Variants in XYLT1 observed in about 807,000 individuals in gnomAD.
XYLT1 encodes the protein beta-D-xylosyltransferase 1.
In XYLT1, 36 loss-of-function variants were observed where a neutral mutation model predicts 91.3. That is an observed-to-expected ratio of 0.39 (90% CI 0.30 to 0.52). The LOEUF is 0.52. Among genes scored for constraint, XYLT1 ranks in the 20% least tolerant of loss-of-function variants. The pLI is 0.68. For synonymous variants in XYLT1, 588 were observed against 532.0 expected, an observed-to-expected ratio of 1.11 and a Z score of -1.45; for missense variants, 1,242 against 1,284.5, an observed-to-expected ratio of 0.97 and a Z score of 0.51.
At chr16:17,434,741 A>G (rs528036827) in intron 1 of XYLT1, among the ~76,000 whole-genome samples, 15 of 152,264 alleles carry the variant, frequency 9.9e-5, no homozygotes, top group African/African-American at 3.6e-4. Context: ...GGTAGCACAC[A>G]TCTGTAGCCC....
chr16:17,202,613 A>G (rs750195022), intron 3 of XYLT1, among the ~76,000 whole-genome samples: 2 of 152,160 alleles, frequency 1.3e-5, no homozygotes, highest in Non-Finnish European at 2.9e-5. Context: ...ATTAGTTCAC[A>G]GTCCAAAAAG....
chr16:17,136,629 A>G (rs558791038), intron 8 of XYLT1, among the ~76,000 whole-genome samples: 2 of 152,308 alleles, frequency 1.3e-5, no homozygotes, highest in South Asian at 4.2e-4. Flanking sequence ...TAGGGGCAGA[A>G]CAAACTCCTT....
intron 3 of XYLT1, among the ~76,000 whole-genome samples, chr16:17,249,274 A>C (rs2033496637): frequency 1.3e-5 from 2 of 152,228 alleles, no homozygotes; most frequent in Non-Finnish European, 2.9e-5. Flanking sequence ...CAGAGATTCT[A>C]GATGCCCATT....
At chr16:17,278,397 GTTC>G (rs1291784263) in intron 2 of XYLT1, among the ~76,000 whole-genome samples, 2 of 152,174 alleles carry the variant, frequency 1.3e-5, no homozygotes, top group East Asian at 1.9e-4. Flanking sequence ...TCTCCGAGAA[GTTC>G]TTCTTCATTG....
intron 1 of XYLT1, among the ~76,000 whole-genome samples, chr16:17,413,274 G>A (rs2036136161): frequency 6.6e-6 from 1 of 152,144 alleles, no homozygotes; most frequent in Non-Finnish European, 1.5e-5. Context: ...GGGGACACTG[G>A]GCTGGCTTCA....
At chr16:17,159,056 A>G in intron 5 of XYLT1, 147 bp from the exon 6 acceptor site, 3 of 677,138 alleles carry the variant, frequency 4.4e-6, no homozygotes, top group South Asian at 1.7e-5. Context: ...TCCTCTTTAT[A>G]TCGCCATTTT....
At chr16:17,310,427 C>A (rs1413109925) in intron 2 of XYLT1, among the ~76,000 whole-genome samples, 2 of 152,226 alleles carry the variant, frequency 1.3e-5, no homozygotes, top group Non-Finnish European at 2.9e-5. Flanking sequence ...CAGTCCCACT[C>A]AGTGACTGGC....
chr16:17,364,622 T>G (rs965807391), intron 1 of XYLT1, among the ~76,000 whole-genome samples: 2 of 152,140 alleles, frequency 1.3e-5, no homozygotes, highest in Non-Finnish European at 2.9e-5. Flanking sequence ...CTGAGCAAAT[T>G]TAGCTAATTC....
In XYLT1 at chr16:17,155,591, C is replaced by T. The variant is rs146402138; in HGVS notation, c.1370+3238G>A. Among the ~76,000 whole-genome samples the T allele has an allele frequency of 8.4e-3, 1,285 of 152,302 alleles. 4 individuals carry two copies. Among genetic ancestry groups the T allele is most frequent in the Non-Finnish European group, 0.013 (891 of 68,022 alleles). On this transcript the variant is annotated intron_variant, in intron 6 of 11. Coordinates refer to ENST00000261381, the MANE Select transcript of XYLT1 (RefSeq NM_022166.4). ...ATGATGGGCTATAGGTAGGCTTATTCGTGCAGCAGGTGAGGCCACAGCTAA... is the reference window on the plus strand; with the variant it reads ...ATGATGGGCTATAGGTAGGCTTATTTGTGCAGCAGGTGAGGCCACAGCTAA...
rs1360733123 is a variant in XYLT1 at position 17,312,674 on chromosome 16, C to T, written c.402+45338G>A. Among the ~76,000 whole-genome samples the T allele has an allele frequency of 1.3e-5, 2 of 152,118 alleles. No homozygotes were observed. The highest frequency in any genetic ancestry group is 6.6e-5 in the Admixed American group (1 of 15,262). ...TTTTCAACATACTCATGTGTGTATC[C>T]GTGATTCTATTTACTGTTTAATCTT... On this transcript the variant is annotated intron_variant, in intron 2 of 11. Transcript: ENST00000261381. The surrounding 1 kb of genome is among the most constrained non-coding windows in gnomAD (Gnocchi z 4.4).
intron 1 of XYLT1, among the ~76,000 whole-genome samples, chr16:17,425,310 T>C (rs182753267): frequency 1.3e-5 from 2 of 152,298 alleles, no homozygotes; most frequent in South Asian, 2.1e-4. Context: ...AGATGCATTG[T>C]AGGGTGAGAC....
intron 3 of XYLT1, among the ~76,000 whole-genome samples, chr16:17,249,289 T>C (rs1172229117): frequency 6.6e-6 from 1 of 152,182 alleles, no homozygotes; most frequent in Non-Finnish European, 1.5e-5. Flanking sequence ...CCCATTTCCA[T>C]TGCTTTGCTT....
chr16:17,213,346 CTTTCTTTATAAATTATCCACTCAGGTA>C (rs1321556796), intron 3 of XYLT1, among the ~76,000 whole-genome samples: 1 of 152,158 alleles, frequency 6.6e-6, no homozygotes, highest in Non-Finnish European at 1.5e-5. Flanking sequence ...ATTAAAACTC[CTTTCTTTATAAATTATCCACTCAGGTA>C]TTTCTTTATA....
At chr16:17,427,559 C>T (rs2036335093) in intron 1 of XYLT1, among the ~76,000 whole-genome samples, 1 of 152,152 alleles carries the variant, frequency 6.6e-6, no homozygotes, top group African/African-American at 2.4e-5. Context: ...GCTGGGATTA[C>T]AGGCGTGAAC....
At chr16:17,237,816 G>T (rs2033272226) in intron 3 of XYLT1, among the ~76,000 whole-genome samples, 1 of 152,212 alleles carries the variant, frequency 6.6e-6, no homozygotes, top group South Asian at 2.1e-4. Context: ...TTCCAAGCAA[G>T]TTAGCTGAGA....
intron 11 of XYLT1, among the ~76,000 whole-genome samples, chr16:17,111,590 G>T (rs1312960814): frequency 6.6e-6 from 1 of 152,200 alleles, no homozygotes; most frequent in Non-Finnish European, 1.5e-5. Context: ...ATTAACAAGT[G>T]TCCAGAGCAG....
At chr16:17,398,996 C>T (rs1013530086) in intron 1 of XYLT1, among the ~76,000 whole-genome samples, 2 of 151,836 alleles carry the variant, frequency 1.3e-5, no homozygotes, top group East Asian at 1.9e-4. Flanking sequence ...AGGTGCATGC[C>T]GCCACACCTG....
chr16:17,259,341 C>T lies in XYLT1; in HGVS notation c.560G>A (p.Ser187Asn), dbSNP rs779556597. ...CCTTTTCAAAAGCTCCTTCTGTCTA[C>T]TCGGTGGCTTCTTCGCCAACTCAGG... ...HQPELAKKPP[S>N]RQKELLKRKL... Residue 187 changes from serine to asparagine, a missense_variant, in exon 3 of 12, where the codon AGT becomes AAT. By Grantham distance (46) the Ser-to-Asn change is conservative. Transcript: ENST00000261381. The T allele has an allele frequency of 3.0e-5, 49 of 1,614,066 alleles. No individual in the cohort carries two copies. The highest frequency in any genetic ancestry group is 4.1e-5 in the Non-Finnish European group (48 of 1,180,052).
chr16:17,134,284 C>T lies in XYLT1; in HGVS notation c.2027+189G>A, dbSNP rs1238561797. On this transcript the variant is annotated intron_variant, in intron 9 of 11. Transcript: ENST00000261381. ...ATCTGGTATCTGAGAAAGTAAAGCACAGCTTGGATTGGAAATGCCACGCAC... is the reference window on the plus strand; with the variant it reads ...ATCTGGTATCTGAGAAAGTAAAGCATAGCTTGGATTGGAAATGCCACGCAC... Among the ~76,000 whole-genome samples, 3 of 152,168 alleles carry T rather than the reference C, an allele frequency of 2.0e-5. No homozygotes were observed. In the East Asian group the frequency reaches 5.8e-4, roughly 29 times the overall value.
Sources: allele counts gnomAD v4.1 joint callset (sites outside exome capture counted in the v4.1 genomes callset), GRCh38; gene constraint gnomAD v4.1.1; non-coding constraint Gnocchi (gnomAD v3.1); transcripts MANE v1.5; gene names NCBI Gene and HGNC (gene_info 2026-07-23, HGNC 2026-07-21).